DOCK2: variants seen among roughly 807,000 people sequenced by gnomAD.
DOCK2 encodes the protein dedicator of cytokinesis 2.
In DOCK2, 87 loss-of-function variants were observed where a neutral mutation model predicts 248.9. That is an observed-to-expected ratio of 0.35 (90% CI 0.29 to 0.42). DOCK2 has a LOEUF of 0.42. Among genes scored for constraint, DOCK2 ranks in the 10% least tolerant of loss-of-function variants. The pLI, the probability that DOCK2 is intolerant of heterozygous loss-of-function variation, is 1.00. For missense variants in DOCK2, 1,747 were observed against 2,300.2 expected (o/e 0.76, Z 4.92); for synonymous variants, 805 against 821.6 (o/e 0.98, Z 0.35).
rs543471174 is a variant in DOCK2, at chr5:169,852,324, G to A, written c.2799+11472G>A. Among the ~76,000 whole-genome samples the A allele has an allele frequency of 2.0e-5, 3 of 152,266 alleles. No homozygotes were observed. The East Asian group carries it at 5.8e-4, about 29-fold the overall frequency. On this transcript the variant is annotated intron_variant, in intron 27 of 51. Coordinates refer to ENST00000520908, the MANE Select transcript of DOCK2 (RefSeq NM_004946.3). ...TCCTATTTCCTGGCAGTGGAAGAGG[G>A]GCCAGCTTTTTCTTGTCCTTGGAGA...
chr5:169,979,813 A>G (rs927892940), intron 27 of DOCK2, among the ~76,000 whole-genome samples: 11 of 152,228 alleles, frequency 7.2e-5, no homozygotes, highest in African/African-American at 2.7e-4. Flanking sequence ...TTGATTGATC[A>G]GTGAACTACA....
chr5:169,972,195 T>C (rs1182161939), intron 27 of DOCK2, among the ~76,000 whole-genome samples: 1 of 152,276 alleles, frequency 6.6e-6, no homozygotes, highest in Non-Finnish European at 1.5e-5. Flanking sequence ...CTACATGCTC[T>C]ATGAAATTTT....
rs376682298 is a variant in DOCK2 at position 169,712,315 on chromosome 5, C to T, written c.1659+92C>T. ...TGCTTAGTGGTCAACAGCAGGGACCCCAGAATCACACACACCAGAGTTTAC... is the reference window on the plus strand; with the variant it reads ...TGCTTAGTGGTCAACAGCAGGGACCTCAGAATCACACACACCAGAGTTTAC... On this transcript the variant is annotated intron_variant, in intron 17 of 51. Transcript: ENST00000520908. The T allele has an allele frequency of 3.6e-6, 4 of 1,111,278 alleles. No individual in the cohort carries two copies. In the East Asian group the frequency reaches 7.3e-5, roughly 20 times the overall value. The allele number at this position is 1,111,278 out of a possible 1,614,324, so 68.8% of individuals were successfully genotyped here.
intron 27 of DOCK2, among the ~76,000 whole-genome samples, chr5:169,855,430 T>C (rs1319581292): frequency 6.6e-6 from 1 of 152,150 alleles, no homozygotes; most frequent in East Asian, 1.9e-4. Flanking sequence ...TTGGGGGAAG[T>C]AGACCAGTAG....
chr5:169,778,666 A>G (rs759618644), intron 25 of DOCK2, among the ~76,000 whole-genome samples: 1 of 152,208 alleles, frequency 6.6e-6, no homozygotes, highest in Non-Finnish European at 1.5e-5. Flanking sequence ...GCGTGTGTGC[A>G]TTAAAGAATT....
intron 27 of DOCK2, among the ~76,000 whole-genome samples, chr5:169,914,404 A>G (rs1187719465): frequency 6.6e-6 from 1 of 152,202 alleles, no homozygotes; most frequent in Non-Finnish European, 1.5e-5. Flanking sequence ...TGAGCCAGGA[A>G]CTGCTCTTGG....
chr5:169,843,988 C>T (rs1227636881), intron 27 of DOCK2, among the ~76,000 whole-genome samples: 2 of 152,138 alleles, frequency 1.3e-5, no homozygotes, highest in Admixed American at 6.5e-5. Context: ...TAACATTTGA[C>T]TATTATAAAT....
At chr5:169,853,905 G>A (rs1339268442) in intron 27 of DOCK2, among the ~76,000 whole-genome samples, 40 of 113,710 alleles carry the variant, frequency 3.5e-4, no homozygotes, top group Non-Finnish European at 5.3e-4. Context: ...GTGCAATCTC[G>A]GCTCACTGCA....
At chr5:169,701,027 C>T (rs1002501748) in intron 13 of DOCK2, among the ~76,000 whole-genome samples, 6 of 152,112 alleles carry the variant, frequency 3.9e-5, no homozygotes, top group Non-Finnish European at 7.4e-5. Flanking sequence ...TAATGAAGTT[C>T]CTGAAGTAAC....
chr5:169,910,555 T>C (rs1237635479), intron 27 of DOCK2, among the ~76,000 whole-genome samples: 1 of 140,680 alleles, frequency 7.1e-6, no homozygotes, highest in African/African-American at 2.5e-5. Context: ...TTTCCCTGTG[T>C]GCCCAGGGAG....
chr5:169,948,562 A>G (rs1035243059), intron 27 of DOCK2, among the ~76,000 whole-genome samples: 3 of 150,768 alleles, frequency 2.0e-5, no homozygotes, highest in Non-Finnish European at 4.4e-5. Context: ...ATCTCTCTTT[A>G]TCCCTCCCTC....
chr5:169,689,157 TG>T, intron 8 of DOCK2, 94 bp from the exon 9 acceptor site: 2 of 1,150,344 alleles, frequency 1.7e-6, no homozygotes, highest in Middle Eastern at 2.0e-4. Flanking sequence ...GCAGCCAGTA[TG>T]GTGTTGGGCA....
At chr5:169,698,289 T>A in intron 10 of DOCK2, 85 bp from the exon 11 acceptor site, 1 of 1,413,706 alleles carries the variant, frequency 7.1e-7, no homozygotes, top group Non-Finnish European at 9.9e-7. Context: ...AGGCTCTACC[T>A]CCTGTCCCAT....
chr5:170,021,648 C>T (rs1192664871), intron 33 of DOCK2, among the ~76,000 whole-genome samples: 2 of 152,132 alleles, frequency 1.3e-5, no homozygotes, highest in Non-Finnish European at 2.9e-5. Flanking sequence ...TGAGCATGTT[C>T]CCTAATCACT....
At chr5:170,053,916 G>C (rs1334204656) in intron 41 of DOCK2, among the ~76,000 whole-genome samples, 1 of 152,230 alleles carries the variant, frequency 6.6e-6, no homozygotes, top group African/African-American at 2.4e-5. Context: ...AGGATGGAGG[G>C]TGTGAGGTGG....
At chr5:170,008,340 T>C (rs1399598403) in intron 30 of DOCK2, among the ~76,000 whole-genome samples, 157 bp from the exon 31 acceptor site, 1 of 152,174 alleles carries the variant, frequency 6.6e-6, no homozygotes, top group Non-Finnish European at 1.5e-5. Flanking sequence ...GGATGTTAAT[T>C]TCAGAGTCAG....
chr5:170,022,914 C>T (rs780902529), intron 33 of DOCK2, among the ~76,000 whole-genome samples: 3 of 152,194 alleles, frequency 2.0e-5, no homozygotes, highest in Admixed American at 6.5e-5. Context: ...GGAACCACAT[C>T]GGCACAGGGA....
intron 2 of DOCK2, among the ~76,000 whole-genome samples, chr5:169,664,097 T>C (rs1758592759): frequency 6.6e-6 from 1 of 152,260 alleles, no homozygotes; most frequent in East Asian, 1.9e-4. Context: ...TTGAATGCTA[T>C]GCTGCTTAGA....
chr5:169,957,312 T>C (rs1776909788), intron 27 of DOCK2, among the ~76,000 whole-genome samples: 1 of 152,210 alleles, frequency 6.6e-6, no homozygotes, highest in Non-Finnish European at 1.5e-5. Flanking sequence ...AGCATGGGGA[T>C]AGTAAGAGTT....
Sources: gnomAD v4.1 joint callset for allele counts (sites outside exome capture counted in the v4.1 genomes callset) on GRCh38, gnomAD v4.1.1 for gene constraint, MANE v1.5 for transcripts, NCBI Gene and HGNC (gene_info 2026-07-23, HGNC 2026-07-21) for gene names.